The following CELF2 variants were observed in gnomAD, a reference collection of about 807,000 sequenced individuals.
CELF2 encodes the protein CUGBP Elav-like family member 2.
In CELF2, 8 loss-of-function variants were observed where a neutral mutation model predicts 62.6. That is an observed-to-expected ratio of 0.13 (90% confidence interval 0.07 to 0.23). The LOEUF (loss-of-function observed/expected upper bound fraction) is 0.23. CELF2 is among the 10% of genes least tolerant of loss of function. The pLI is 1.00. For synonymous variants in CELF2, 258 were observed against 250.0 expected, an observed-to-expected ratio of 1.03 and a Z score of -0.30; for missense variants, 333 against 671.0, an observed-to-expected ratio of 0.50 and a Z score of 5.56.
In CELF2 at chr10:11,217,819, AACACAC is replaced by A. The variant is rs2063735445; in HGVS notation, c.354+316_354+321del. On this transcript the variant is annotated intron_variant, in intron 3 of 12. Transcript: ENST00000633077. The surrounding 1 kb of genome is among the most constrained non-coding windows in gnomAD (Gnocchi z 5.6). Reference sequence around the variant, plus strand: ...AGATTTTAAAAGGAAAAAAAAACCCAACACACACAAGAGAAGCAAATGGAAAAGAAA... The same window carrying A: ...AGATTTTAAAAGGAAAAAAAAACCCAACAAGAGAAGCAAATGGAAAAGAAA... 6.6e-6 allele frequency among the ~76,000 whole-genome samples: 1 copy of A among 152,210 alleles called. No individual in the cohort carries two copies. Among genetic ancestry groups the A allele is most frequent in the African/African-American group, 2.4e-5 (1 of 41,446 alleles).
rs80259163 is a variant in CELF2, at chr10:11,302,201, C to G, written c.977-11938C>G. Among the ~76,000 whole-genome samples the G allele has an allele frequency of 5.3e-3, 801 of 152,322 alleles. 13 individuals are homozygous for G. The highest frequency in any genetic ancestry group is 0.045 in the South Asian group (217 of 4,832). On this transcript the variant is annotated intron_variant, in intron 9 of 12. Transcript: ENST00000633077. This position sits in a 1 kb window ranked among gnomAD's most constrained non-coding sequence, Gnocchi z 5.0. Reference sequence around the variant, plus strand: ...GACTGTTGCCCTTTCCTGTCACAAACCAAACCTTCCCACTCCCTGCAGCCT... The same window carrying G: ...GACTGTTGCCCTTTCCTGTCACAAAGCAAACCTTCCCACTCCCTGCAGCCT...
In CELF2 at chr10:10,907,732, G is replaced by C. The variant is rs146367036; in HGVS notation, c.54-12232G>C. 6.4e-3 allele frequency among the ~76,000 whole-genome samples: 972 copies of C among 152,104 alleles called. 9 individuals carry two copies. The highest frequency in any genetic ancestry group is 0.036 in the South Asian group (175 of 4,810). ...TTGAAGGTTGTAAATTTCATCTGGG[G>C]TTGGTTCAAAATTCCCGTTGCTACA... On this transcript the variant is annotated intron_variant, in intron 1 of 13. Coordinates refer to the CELF2 transcript ENST00000636488.
chr10:11,165,272 A>G lies in CELF2; in HGVS notation c.75-214A>G. 1.4e-6 allele frequency: 2 copies of G among 1,384,998 alleles called. No homozygotes were observed. The highest frequency in any genetic ancestry group is 1.9e-6 in the Non-Finnish European group (2 of 1,069,524). The allele number at this position is 1,384,998 out of a possible 1,614,324, so 85.8% of individuals were successfully genotyped here. On this transcript the variant is annotated intron_variant, in intron 1 of 12. Coordinates refer to ENST00000633077, the MANE Select transcript of CELF2 (RefSeq NM_001326342.2). This position sits in a 1 kb window ranked among gnomAD's most constrained non-coding sequence, Gnocchi z 7.4. ...CCGTGCTCCCCCGGCTCTGCTCGAC[A>G]GCAGCACGCAGTGAGAGCCTCGCCG...
At chr10:10,787,226 T>TCTCACACACACACACACACACACACA in the CELF2 span, among the ~76,000 whole-genome samples, 1 of 143,878 alleles carries the variant, frequency 7.0e-6, no homozygotes, top group African/African-American at 2.6e-5. Flanking sequence ...AGGTTTGATG[T>TCTCACACACACACACACACACACACA]CACACACACA....
chr10:11,102,285 C>G (rs974040056), intron 1 of CELF2: 3 of 152,126 alleles, frequency 2.0e-5, no homozygotes, highest in African/African-American at 7.2e-5. Flanking sequence ...GATACTTGCC[C>G]GACTGTGCTA....
At chr10:10,929,803 G>A (rs1266535053) in intron 2 of CELF2, 1 of 152,224 alleles carries the variant, frequency 6.6e-6, no homozygotes, top group Non-Finnish European at 1.5e-5. Flanking sequence ...AGATGAGAGA[G>A]CATCAAGCCA....
At chr10:10,919,870 T>C in intron 1 of CELF2, 1 of 808,018 alleles carries the variant, frequency 1.2e-6, no homozygotes, top group Non-Finnish European at 1.7e-6. Context: ...TCTTTATACC[T>C]GATACCATAA....
intron 1 of CELF2, among the ~76,000 whole-genome samples, chr10:10,869,103 T>C (rs538587028): frequency 2.0e-5 from 3 of 152,326 alleles, no homozygotes; most frequent in African/African-American, 7.2e-5. Context: ...CTTTTTTTAA[T>C]AGTAACATGA....
At chr10:11,201,435 T>C (rs1286230677) in intron 2 of CELF2, among the ~76,000 whole-genome samples, 1 of 152,178 alleles carries the variant, frequency 6.6e-6, no homozygotes, top group Non-Finnish European at 1.5e-5. Context: ...GTTTTGTTAC[T>C]TTTTTTGTCA....
chr10:11,196,917 C>T (rs1189500248), intron 2 of CELF2, among the ~76,000 whole-genome samples: 1 of 146,946 alleles, frequency 6.8e-6, no homozygotes, highest in African/African-American at 2.5e-5. Flanking sequence ...CGAGATCGCA[C>T]CACTGCACTC....
chr10:10,870,981 C>A lies in CELF2; in HGVS notation c.54-48983C>A, dbSNP rs2060707644. Among the ~76,000 whole-genome samples, 3 of 152,230 alleles carry A rather than the reference C, an allele frequency of 2.0e-5. No homozygotes were observed. The South Asian group carries it at 6.2e-4, about 32-fold the overall frequency. ...GAGGCAGTGTACGCTCCCACCCCCA[C>A]CCCGCAACTTGCAGAGAAGAGCAAC... On this transcript the variant is annotated intron_variant, in intron 1 of 13. Coordinates refer to the CELF2 transcript ENST00000636488.
chr10:11,169,729 G>A (rs527663510), intron 2 of CELF2, among the ~76,000 whole-genome samples: 11 of 152,324 alleles, frequency 7.2e-5, no homozygotes, highest in Admixed American at 5.2e-4. Context: ...GTTGACGTGT[G>A]TTGAGGTCAG....
At chr10:10,557,477 A>G in the CELF2 span, among the ~76,000 whole-genome samples, 17,197 of 137,010 alleles carry the variant, frequency 0.13, 1,547 homozygotes, top group East Asian at 0.31. Context: ...TGATGCCTCC[A>G]GCTTTGTTCT....
At chr10:11,271,117 C>T (rs1203248191) in intron 7 of CELF2, among the ~76,000 whole-genome samples, 1 of 152,156 alleles carries the variant, frequency 6.6e-6, no homozygotes, top group African/African-American at 2.4e-5. Context: ...GATGATGTAA[C>T]GAGAGGGAGG....
the CELF2 span, among the ~76,000 whole-genome samples, chr10:10,479,234 T>C: frequency 6.6e-6 from 1 of 152,150 alleles, no homozygotes; most frequent in African/African-American, 2.4e-5. Context: ...AGTGGCACAA[T>C]CTCAGGTCAC....
chr10:11,045,393 G>T (rs1170198157), intron 1 of CELF2, among the ~76,000 whole-genome samples: 1 of 152,112 alleles, frequency 6.6e-6, no homozygotes, highest in African/African-American at 2.4e-5. Flanking sequence ...GTGAGCCACT[G>T]CCCCCAGCCA....
chr10:11,105,903 A>G (rs1467733), intron 1 of CELF2, among the ~76,000 whole-genome samples: 9,776 of 152,246 alleles, frequency 0.064, 469 homozygotes, highest in African/African-American at 0.13. Flanking sequence ...AGATTTCTTC[A>G]TAGCACTTAC....
Position 11,220,291 on chromosome 10 carries a change from T to C in CELF2, c.354+2784T>C, listed in dbSNP as rs182542947. Among the ~76,000 whole-genome samples the C allele has an allele frequency of 1.2e-3, 190 of 152,364 alleles. No individual in the cohort carries two copies. Among genetic ancestry groups the C allele is most frequent in the African/African-American group, 4.4e-3 (181 of 41,590 alleles). On this transcript the variant is annotated intron_variant, in intron 3 of 12. Coordinates refer to ENST00000633077, the MANE Select transcript of CELF2 (RefSeq NM_001326342.2). This position sits in a 1 kb window ranked among gnomAD's most constrained non-coding sequence, Gnocchi z 4.4. ...GATGTTTTGTTTCATAAGGAACTTT[T>C]ATTATGCGGCCAAGCTTGATTGATG...
In CELF2 at chr10:11,260,109, T is replaced by C. The variant is rs1276247678; in HGVS notation, c.538+2237T>C. Among the ~76,000 whole-genome samples the C allele has an allele frequency of 1.3e-5, 2 of 152,220 alleles. No homozygotes were observed. Among genetic ancestry groups the C allele is most frequent in the Non-Finnish European group, 2.9e-5 (2 of 68,036 alleles). ...TGAAATGAAATAGAACTTTAGTCATTTTATTTTCTTACCTCTGTCCTGAGC... is the reference window on the plus strand; with the variant it reads ...TGAAATGAAATAGAACTTTAGTCATCTTATTTTCTTACCTCTGTCCTGAGC... On this transcript the variant is annotated intron_variant, in intron 5 of 12. Coordinates refer to ENST00000633077, the MANE Select transcript of CELF2 (RefSeq NM_001326342.2). The surrounding 1 kb of genome is among the most constrained non-coding windows in gnomAD (Gnocchi z 4.2).
Sources: gnomAD v4.1 joint callset for allele counts (sites outside exome capture counted in the v4.1 genomes callset) on GRCh38, gnomAD v4.1.1 for gene constraint, Gnocchi (gnomAD v3.1) non-coding constraint, MANE v1.5 for transcripts, NCBI Gene and HGNC (gene_info 2026-07-23, HGNC 2026-07-21) for gene names.